Variants in MYO1E observed in about 807,000 individuals in gnomAD.
MYO1E encodes the protein myosin IE.
In MYO1E, 68 loss-of-function variants were observed where a neutral mutation model predicts 151.1. That is an observed-to-expected ratio of 0.45 (90% CI 0.37 to 0.55). The LOEUF is 0.55. Ranked by LOEUF, MYO1E falls within the 20% of genes least tolerant of loss-of-function variation. The pLI, the probability that MYO1E is intolerant of heterozygous loss-of-function variation, is 0.00. For synonymous variants in MYO1E, 601 were observed against 501.7 expected (o/e 1.20, Z -2.64); for missense variants, 1,363 against 1,389.3 (o/e 0.98, Z 0.30).
At chr15:59,256,213 A>G (rs2080192911) in intron 4 of MYO1E, 71 bp downstream of exon 4, 1 of 1,245,894 alleles carries the variant, frequency 8.0e-7, no homozygotes, top group Non-Finnish European at 1.2e-6. Context: ...ACCACTGCTT[A>G]TCGACCGAAA....
At chr15:59,222,067 C>G in intron 9 of MYO1E, among the ~76,000 whole-genome samples, 1 of 152,122 alleles carries the variant, frequency 6.6e-6, no homozygotes, top group East Asian at 1.9e-4. Flanking sequence ...TTATTGTTTT[C>G]TACTCCCTTC....
At chr15:59,331,221 G>C (rs1233670744) in intron 1 of MYO1E, among the ~76,000 whole-genome samples, 1 of 152,156 alleles carries the variant, frequency 6.6e-6, no homozygotes, top group African/African-American at 2.4e-5. Context: ...TTGCTAAACC[G>C]ATGTAGGATC....
intron 24 of MYO1E, 115 bp downstream of exon 24, chr15:59,160,958 A>G: frequency 7.3e-7 from 1 of 1,374,044 alleles, no homozygotes; most frequent in Non-Finnish European, 1.0e-6. Flanking sequence ...AGCCCCAGCA[A>G]GCAGAAGGTG....
chr15:59,225,747 C>A (rs751027376), intron 7 of MYO1E, among the ~76,000 whole-genome samples: 1 of 151,496 alleles, frequency 6.6e-6, no homozygotes, highest in Non-Finnish European at 1.5e-5. Context: ...CCCAGGTTCA[C>A]GCCATTCTCC....
intron 9 of MYO1E, among the ~76,000 whole-genome samples, chr15:59,218,881 C>T (rs1326888603): frequency 9.9e-5 from 15 of 152,110 alleles, no homozygotes; most frequent in African/African-American, 2.2e-4. Context: ...ATGATCAAGA[C>T]GAGACGGTCT....
intron 2 of MYO1E, among the ~76,000 whole-genome samples, chr15:59,271,653 T>C (rs2080289758): frequency 6.6e-6 from 1 of 152,192 alleles, no homozygotes; most frequent in Non-Finnish European, 1.5e-5. Context: ...AATTGAAACA[T>C]AAAGAACAAC....
intron 14 of MYO1E, chr15:59,207,963 T>C: frequency 6.2e-7 from 1 of 1,614,092 alleles, no homozygotes. Flanking sequence ...TCAGTATTCC[T>C]TGTATCCTGG....
At chr15:59,270,076 T>C (rs1220499425) in intron 2 of MYO1E, among the ~76,000 whole-genome samples, 3 of 152,188 alleles carry the variant, frequency 2.0e-5, no homozygotes, top group Non-Finnish European at 4.4e-5. Flanking sequence ...AAGTAAGATT[T>C]TGTCTGTCAG....
chr15:59,282,589 T>A (rs1316791516), intron 1 of MYO1E, among the ~76,000 whole-genome samples: 1 of 151,834 alleles, frequency 6.6e-6, no homozygotes, highest in Non-Finnish European at 1.5e-5. Context: ...CTCATGCCTA[T>A]AATCCCAGCA....
intron 1 of MYO1E, among the ~76,000 whole-genome samples, chr15:59,295,943 G>A (rs1460902273): frequency 2.6e-5 from 4 of 151,398 alleles, no homozygotes; most frequent in Non-Finnish European, 2.9e-5. Flanking sequence ...GCTCAATCTC[G>A]CCTACTTAGA....
At chr15:59,179,931 A>G (rs2079648501) in intron 18 of MYO1E, among the ~76,000 whole-genome samples, 1 of 152,240 alleles carries the variant, frequency 6.6e-6, no homozygotes, top group African/African-American at 2.4e-5. Context: ...CCCAGGCAAT[A>G]GGCCCCCAGG....
In MYO1E at chr15:59,159,394, G is replaced by C. The variant is rs1405598743; in HGVS notation, c.2786-1015C>G. Among the ~76,000 whole-genome samples, 2 of 152,246 alleles carry C rather than the reference G, an allele frequency of 1.3e-5. No individual in the cohort carries two copies. Among genetic ancestry groups the C allele is most frequent in the Admixed American group, 1.3e-4 (2 of 15,292 alleles). ...TGCCCGGCTCTGTGCCCTGGGGTCT[G>C]AGTCCTGTGGACAGCCAGGCCTCTG... On this transcript the variant is annotated intron_variant, in intron 24 of 27. Transcript: ENST00000288235. The surrounding 1 kb of genome is among the most constrained non-coding windows in gnomAD (Gnocchi z 4.4).
intron 1 of MYO1E, among the ~76,000 whole-genome samples, chr15:59,351,229 A>G (rs570876032): frequency 1.3e-5 from 2 of 152,304 alleles, no homozygotes; most frequent in South Asian, 4.1e-4. Context: ...TCAGATGAAC[A>G]GGAAAAAAGG....
At chr15:59,199,523 C>T (rs2079788138) in intron 16 of MYO1E, among the ~76,000 whole-genome samples, 1 of 152,146 alleles carries the variant, frequency 6.6e-6, no homozygotes, top group African/African-American at 2.4e-5. Context: ...GATGCTCAAC[C>T]TGTACTTGTC....
intron 1 of MYO1E, among the ~76,000 whole-genome samples, chr15:59,287,224 C>T (rs1340206212): frequency 6.6e-6 from 1 of 152,196 alleles, no homozygotes; most frequent in Non-Finnish European, 1.5e-5. Flanking sequence ...GAGGCACTGT[C>T]TTCTAATGGG....
chr15:59,191,636 A>G (rs2079735289), intron 17 of MYO1E, among the ~76,000 whole-genome samples: 1 of 152,212 alleles, frequency 6.6e-6, no homozygotes, highest in African/African-American at 2.4e-5. Flanking sequence ...AATATTCCTC[A>G]TGTTAAAACA....
chr15:59,371,417 T>G (rs2080943598), intron 1 of MYO1E, among the ~76,000 whole-genome samples: 1 of 144,842 alleles, frequency 6.9e-6, no homozygotes, highest in South Asian at 2.3e-4. Context: ...GTGTGGAAAC[T>G]ATGAAGCCTT....
intron 12 of MYO1E, among the ~76,000 whole-genome samples, chr15:59,213,856 G>T (rs1248987178): frequency 2.0e-5 from 3 of 152,196 alleles, no homozygotes; most frequent in Non-Finnish European, 2.9e-5. Flanking sequence ...TGTTAGGGAA[G>T]ATTGAAAATG....
chr15:59,324,633 T>C (rs148715132), intron 1 of MYO1E, among the ~76,000 whole-genome samples: 1 of 143,938 alleles, frequency 6.9e-6, no homozygotes, highest in East Asian at 2.1e-4. Context: ...GAGAAAGAGC[T>C]GTGTCTCGCC....
Sources: allele counts gnomAD v4.1 joint callset (sites outside exome capture counted in the v4.1 genomes callset), GRCh38; gene constraint gnomAD v4.1.1; non-coding constraint Gnocchi (gnomAD v3.1); transcripts MANE v1.5; gene names NCBI Gene and HGNC (gene_info 2026-07-23, HGNC 2026-07-21).